ASTN2: variants seen among roughly 807,000 people sequenced by gnomAD.
ASTN2 encodes astrotactin 2, also known as astrotactin-2.
ASTN2 carries 54 observed loss-of-function variants against 139.8 expected under a neutral mutation model. That is an observed-to-expected ratio of 0.39 (90% CI 0.31 to 0.48). The LOEUF is 0.48. Among genes scored for constraint, ASTN2 ranks in the 20% least tolerant of loss-of-function variants. The pLI is 0.95. For synonymous variants in ASTN2, 756 were observed against 719.5 expected, an observed-to-expected ratio of 1.05 and a Z score of -0.81; for missense variants, 1,565 against 1,725.1, an observed-to-expected ratio of 0.91 and a Z score of 1.64.
At chr9:117,232,876 A>C (rs1326981305) in intron 2 of ASTN2, among the ~76,000 whole-genome samples, 1 of 143,612 alleles carries the variant, frequency 7.0e-6, no homozygotes, top group Non-Finnish European at 1.5e-5. Context: ...ACTGCAATGC[A>C]ACTAGGTACA....
chr9:116,506,784 A>G (rs975523535), intron 19 of ASTN2, among the ~76,000 whole-genome samples: 9 of 152,184 alleles, frequency 5.9e-5, no homozygotes, highest in African/African-American at 1.9e-4. Flanking sequence ...CCATTTGCCA[A>G]CTGGGGATAG....
chr9:116,656,894 C>T (rs1858250569), intron 16 of ASTN2, among the ~76,000 whole-genome samples: 1 of 152,174 alleles, frequency 6.6e-6, no homozygotes, highest in Admixed American at 6.5e-5. Flanking sequence ...CCTAGTCAGA[C>T]AGGCTTGCTT....
At chr9:117,268,691 G>A (rs916380283) in intron 2 of ASTN2, among the ~76,000 whole-genome samples, 1 of 152,162 alleles carries the variant, frequency 6.6e-6, no homozygotes, top group Non-Finnish European at 1.5e-5. Context: ...CAAGCTCCAG[G>A]TCCCTTGTTT....
intron 3 of ASTN2, among the ~76,000 whole-genome samples, chr9:117,167,094 G>A (rs1201937072): frequency 2.0e-5 from 3 of 151,882 alleles, no homozygotes; most frequent in African/African-American, 4.8e-5. Flanking sequence ...AAGATAATTC[G>A]AAATTTTGAT....
chr9:116,551,673 C>T (rs1852353000), intron 19 of ASTN2, among the ~76,000 whole-genome samples: 1 of 152,146 alleles, frequency 6.6e-6, no homozygotes, highest in African/African-American at 2.4e-5. Context: ...CCTCCAGCAC[C>T]CCCTACAACA....
intron 3 of ASTN2, among the ~76,000 whole-genome samples, chr9:117,155,256 AT>A (rs1588023534): frequency 6.6e-6 from 1 of 152,112 alleles, no homozygotes; most frequent in East Asian, 1.9e-4. Context: ...TTTCTTCTCT[AT>A]CCCCTTCCCA....
At position 116,824,429 on chromosome 9, in the gene ASTN2, GT is replaced by G. The variant is rs763962990; in HGVS notation, c.2041-3647del. ...TGCTCTAGTGAAAGCAAGCTGCCAT[GT>G]TTTCAGCAGCCCTATGGAGAGTCTT... On this transcript the variant is annotated intron_variant, in intron 11 of 22. Transcript: ENST00000313400. Among the ~76,000 whole-genome samples the G allele has an allele frequency of 3.0e-3, 451 of 152,198 alleles. 2 individuals are homozygous for G. The highest frequency in any genetic ancestry group is 5.6e-3 in the Non-Finnish European group (378 of 68,006).
intron 10 of ASTN2, among the ~76,000 whole-genome samples, chr9:116,902,613 T>A (rs1179964666): frequency 1.3e-5 from 2 of 152,060 alleles, no homozygotes; most frequent in Admixed American, 1.3e-4. Flanking sequence ...TGGGTTTGTG[T>A]AGTATAATCT....
chr9:117,345,888 A>G (rs567625111), intron 1 of ASTN2, among the ~76,000 whole-genome samples: 114 of 152,088 alleles, frequency 7.5e-4, no homozygotes, highest in Admixed American at 1.6e-3. Context: ...TTTTCTTATT[A>G]GACCTACTTA....
chr9:116,451,452 A>G (rs1335711606), intron 20 of ASTN2, among the ~76,000 whole-genome samples: 2 of 65,332 alleles, frequency 3.1e-5, no homozygotes, highest in African/African-American at 8.3e-5. Context: ...AAACACCCAT[A>G]AAAAAAAAAA....
chr9:116,906,098 G>A (rs562496369), intron 10 of ASTN2, among the ~76,000 whole-genome samples: 1 of 152,166 alleles, frequency 6.6e-6, no homozygotes, highest in Admixed American at 6.6e-5. Context: ...CTCACGCTCA[G>A]TGCTTGGGGC....
chr9:117,049,196 T>C (rs1211136688), intron 5 of ASTN2, among the ~76,000 whole-genome samples: 1 of 152,080 alleles, frequency 6.6e-6, no homozygotes, highest in Non-Finnish European at 1.5e-5. Flanking sequence ...ATTGCTCTTA[T>C]AAATGTATCC....
At chr9:117,181,805 G>T (rs1263462633) in intron 3 of ASTN2, among the ~76,000 whole-genome samples, 1 of 152,150 alleles carries the variant, frequency 6.6e-6, no homozygotes, top group South Asian at 2.1e-4. Flanking sequence ...TGTTATAATG[G>T]CCGTTATCAT....
chr9:116,645,189 T>C (rs1466468869), intron 17 of ASTN2, among the ~76,000 whole-genome samples: 1 of 152,158 alleles, frequency 6.6e-6, no homozygotes, highest in Non-Finnish European at 1.5e-5. Context: ...CCTCCTCCAC[T>C]TGGAAGACTC....
intron 16 of ASTN2, among the ~76,000 whole-genome samples, chr9:116,720,739 A>G (rs1019932653): frequency 1.4e-4 from 21 of 152,162 alleles, no homozygotes; most frequent in Non-Finnish European, 2.6e-4. Context: ...AAAACTTATT[A>G]TATTTCTAAT....
chr9:116,745,648 A>AG (rs1829214742), intron 13 of ASTN2, among the ~76,000 whole-genome samples: 1 of 152,174 alleles, frequency 6.6e-6, no homozygotes, highest in Non-Finnish European at 1.5e-5. Flanking sequence ...GGTTTGGTAT[A>AG]GACACAGTCC....
chr9:117,398,907 G>A lies in ASTN2; in HGVS notation c.442+15590C>T, dbSNP rs543285472. On this transcript the variant is annotated intron_variant, in intron 1 of 22. Transcript: ENST00000313400. ...AGCAATTCTCCTACCTCAGCCTCCCGAGTAGCTGGGACTACAGACATGCGC... is the reference window on the plus strand; with the variant it reads ...AGCAATTCTCCTACCTCAGCCTCCCAAGTAGCTGGGACTACAGACATGCGC... 5.3e-5 allele frequency among the ~76,000 whole-genome samples: 8 copies of A among 152,144 alleles called. No individual in the cohort carries two copies. In the South Asian group the frequency reaches 6.2e-4, roughly 12 times the overall value.
At chr9:117,141,503 G>A in intron 3 of ASTN2, 25 bp from the exon 4 acceptor site, 1 of 1,359,954 alleles carries the variant, frequency 7.4e-7, no homozygotes, top group South Asian at 1.1e-5. Context: ...TGGGGCTGAG[G>A]TTAGGGCTTG....
chr9:116,818,331 G>T (rs538538977), intron 12 of ASTN2, among the ~76,000 whole-genome samples: 1 of 152,286 alleles, frequency 6.6e-6, no homozygotes, highest in African/African-American at 2.4e-5. Context: ...TAATTCAATA[G>T]CATCCCACTT....
Sources: allele counts gnomAD v4.1 joint callset (sites outside exome capture counted in the v4.1 genomes callset), GRCh38; gene constraint gnomAD v4.1.1; transcripts MANE v1.5; gene names NCBI Gene and HGNC (gene_info 2026-07-23, HGNC 2026-07-21).